Variants in PLEKHG1 observed in about 807,000 individuals in gnomAD.
PLEKHG1 encodes pleckstrin homology domain-containing family G member 1.
In PLEKHG1, 44 loss-of-function variants were observed where a neutral mutation model predicts 100.8. The observed-to-expected ratio is 0.44, with a 90% CI of 0.34 to 0.56. PLEKHG1 has a LOEUF of 0.56. Ranked by LOEUF, PLEKHG1 falls within the 20% of genes least tolerant of loss-of-function variation. PLEKHG1 has a pLI of 0.01. For missense variants in PLEKHG1, 1,545 were observed against 1,720.9 expected, an observed-to-expected ratio of 0.90 and a Z score of 1.81; for synonymous variants, 640 against 662.5, an observed-to-expected ratio of 0.97 and a Z score of 0.52.
intron 1 of PLEKHG1, among the ~76,000 whole-genome samples, chr6:150,633,685 A>G (rs996729077): frequency 1.3e-5 from 2 of 152,200 alleles, no homozygotes; most frequent in Admixed American, 1.3e-4. Flanking sequence ...AGGGTCAGAA[A>G]CAGTGATTCT....
At chr6:150,704,322 C>G (rs947602166) in intron 3 of PLEKHG1, among the ~76,000 whole-genome samples, 2 of 152,254 alleles carry the variant, frequency 1.3e-5, no homozygotes, top group African/African-American at 4.8e-5. Flanking sequence ...CTTGTCCCTT[C>G]TGAACAAGCC....
At chr6:150,707,931 C>T (rs752250280) in intron 3 of PLEKHG1, among the ~76,000 whole-genome samples, 2 of 152,096 alleles carry the variant, frequency 1.3e-5, no homozygotes, top group African/African-American at 4.8e-5. Context: ...CTGCCTGACC[C>T]GTCACTGCCC....
At position 150,800,878 on chromosome 6, in the gene PLEKHG1, C is replaced by A; in HGVS notation, c.780+9C>A. The A allele has an allele frequency of 1.4e-5, 22 of 1,613,146 alleles. No individual in the cohort carries two copies. The highest frequency in any genetic ancestry group is 1.9e-5 in the Non-Finnish European group (22 of 1,179,302). ...ATCATCTCCTTCTGCATGTAAGTTTCTGCCTGGCATGAGCACTTTCCAGGG... is the reference window on the plus strand; with the variant it reads ...ATCATCTCCTTCTGCATGTAAGTTTATGCCTGGCATGAGCACTTTCCAGGG... On this transcript the variant is annotated intron_variant, in intron 6 of 15. Coordinates refer to ENST00000358517, the Ensembl canonical transcript of PLEKHG1.
chr6:150,831,115 CT>C lies in PLEKHG1; in HGVS notation c.2006del (p.Leu669Ter). ...TCTATGATAACATCAGTTATGAGGA[CT>C]TAAAACTAATGGTTGCTAAGCGGGA... is the stretch of plus-strand genomic sequence containing the variant. On this transcript the variant is annotated frameshift_variant, in exon 15 of 16. Transcript: ENST00000358517. LOFTEE classifies it high-confidence loss of function. The surrounding 1 kb of genome is among the most constrained non-coding windows in gnomAD (Gnocchi z 4.1). 1 of 1,613,972 alleles carries C rather than the reference CT, an allele frequency of 6.2e-7. No individual in the cohort carries two copies. The highest frequency in any genetic ancestry group is 8.5e-7 in the Non-Finnish European group (1 of 1,179,914).
intron 3 of PLEKHG1, among the ~76,000 whole-genome samples, chr6:150,784,266 G>A (rs1785482948): frequency 6.6e-6 from 1 of 152,142 alleles, no homozygotes; most frequent in South Asian, 2.1e-4. Flanking sequence ...TGTCAACTAA[G>A]AGAAAACTTT....
At chr6:150,629,985 A>G (rs1449078454) in intron 1 of PLEKHG1, among the ~76,000 whole-genome samples, 7 of 152,218 alleles carry the variant, frequency 4.6e-5, no homozygotes, top group Non-Finnish European at 1.0e-4. Context: ...AAAGTTAAAG[A>G]TATTTATCTG....
At chr6:150,817,925 GCCTC>G (rs1355625586) in intron 10 of PLEKHG1, among the ~76,000 whole-genome samples, 1 of 152,014 alleles carries the variant, frequency 6.6e-6, no homozygotes, top group East Asian at 1.9e-4. Context: ...TTCGGAACCA[GCCTC>G]CCTCCCTCCT....
chr6:150,663,497 T>C (rs999834183), intron 3 of PLEKHG1: 2 of 152,126 alleles, frequency 1.3e-5, no homozygotes, highest in Non-Finnish European at 2.9e-5. Context: ...TCAGTATATT[T>C]GCAGGAAGAA....
intron 2 of PLEKHG1, among the ~76,000 whole-genome samples, chr6:150,640,066 G>T (rs932481096): frequency 5.9e-5 from 9 of 152,222 alleles, no homozygotes; most frequent in Non-Finnish European, 1.0e-4. Flanking sequence ...CAAATCTTTC[G>T]ATTCCAAAGC....
At chr6:150,730,440 C>T (rs1008253040) in intron 1 of PLEKHG1, among the ~76,000 whole-genome samples, 1 of 152,104 alleles carries the variant, frequency 6.6e-6, no homozygotes, top group African/African-American at 2.4e-5. Flanking sequence ...AGATCCCTGG[C>T]ATGCATAGGT....
At chr6:150,706,068 T>G (rs1442248414) in intron 3 of PLEKHG1, among the ~76,000 whole-genome samples, 1 of 152,224 alleles carries the variant, frequency 6.6e-6, no homozygotes, top group Non-Finnish European at 1.5e-5. Flanking sequence ...AAGTCTTCAC[T>G]CCTGTCCTAT....
intron 2 of PLEKHG1, among the ~76,000 whole-genome samples, chr6:150,744,429 C>T (rs567861332): frequency 1.3e-5 from 2 of 152,088 alleles, no homozygotes; most frequent in Admixed American, 6.6e-5. Flanking sequence ...AAAATGAGAA[C>T]GTGGGCACCA....
intron 3 of PLEKHG1, among the ~76,000 whole-genome samples, chr6:150,773,180 A>G (rs908603365): frequency 6.6e-6 from 1 of 152,038 alleles, no homozygotes; most frequent in African/African-American, 2.4e-5. Context: ...TGATGGAGGC[A>G]TGGTGTATAG....
intron 2 of PLEKHG1, among the ~76,000 whole-genome samples, chr6:150,735,171 A>G (rs1334417920): frequency 1.3e-5 from 2 of 152,016 alleles, no homozygotes; most frequent in East Asian, 1.9e-4. Context: ...TTTTTAGTAA[A>G]GATGGGGTTT....
chr6:150,841,331 T>A, exon 16 of PLEKHG1: 1 of 244,180 alleles, frequency 4.1e-6, no homozygotes, highest in Non-Finnish European at 8.1e-6. Context: ...GAAAGAATTA[T>A]GCTTATATCT....
chr6:150,811,990 A>G (rs1266046175), intron 10 of PLEKHG1, among the ~76,000 whole-genome samples: 1 of 152,224 alleles, frequency 6.6e-6, no homozygotes, highest in African/African-American at 2.4e-5. Context: ...GTGGAGCCAC[A>G]GCGACAGAGG....
rs114334683 is a variant in PLEKHG1, at chr6:150,810,170, G to A, written c.1278+436G>A. Among the ~76,000 whole-genome samples the A allele has an allele frequency of 1.1e-3, 174 of 151,830 alleles. 1 individual carries two copies. Among genetic ancestry groups the A allele is most frequent in the African/African-American group, 4.1e-3 (169 of 41,496 alleles). ...AAGTTAGCACCCGGCATGATGGCAC[G>A]CACCTGTAGTCCCAGTTACTCTGGG... On this transcript the variant is annotated intron_variant, in intron 10 of 15. Coordinates refer to ENST00000358517, the Ensembl canonical transcript of PLEKHG1.
At chr6:150,661,265 G>A (rs184342272) in intron 3 of PLEKHG1, among the ~76,000 whole-genome samples, 407 of 152,278 alleles carry the variant, frequency 2.7e-3, no homozygotes, top group African/African-American at 6.3e-3. Flanking sequence ...ACAACATTCC[G>A]AAGAAAATCT....
intron 4 of PLEKHG1, among the ~76,000 whole-genome samples, chr6:150,787,411 T>C (rs1785690391): frequency 6.6e-6 from 1 of 152,242 alleles, no homozygotes; most frequent in Non-Finnish European, 1.5e-5. Flanking sequence ...CATTGCTTTC[T>C]CAGCATGCTG....
Sources: allele counts gnomAD v4.1 joint callset (sites outside exome capture counted in the v4.1 genomes callset), GRCh38; gene constraint gnomAD v4.1.1; non-coding constraint Gnocchi (gnomAD v3.1); transcripts MANE v1.5; gene names NCBI Gene and HGNC (gene_info 2026-07-23, HGNC 2026-07-21).